The following KIF13B variants were observed in gnomAD, a reference collection of about 807,000 sequenced individuals.
KIF13B encodes the protein kinesin-like protein KIF13B.
In KIF13B, 127 loss-of-function variants were observed where a neutral mutation model predicts 222.0. The ratio of observed to expected loss-of-function variants is 0.57; its 90% CI spans 0.50 to 0.66. The LOEUF (loss-of-function observed/expected upper bound fraction) is 0.66, where lower values mean the gene tolerates loss of function less well. Among genes scored for constraint, KIF13B ranks in the 30% least tolerant of loss-of-function variants. The probability of loss-of-function intolerance (pLI) is 0.00; values close to 1 mark genes in which losing one functional copy is unlikely to be tolerated. For synonymous variants in KIF13B, 976 were observed against 919.0 expected, an observed-to-expected ratio of 1.06 and a Z score of -1.12; for missense variants, 2,173 against 2,379.0, an observed-to-expected ratio of 0.91 and a Z score of 1.80.
chr8:29,148,417 G>T (rs1811154644), intron 16 of KIF13B, among the ~76,000 whole-genome samples, 160 bp downstream of exon 16: 1 of 146,468 alleles, frequency 6.8e-6, no homozygotes, highest in African/African-American at 2.5e-5. Flanking sequence ...TTTTTTTAAA[G>T]AGAGAACGTC....
chr8:29,216,245 AG>A (rs1490669847), intron 2 of KIF13B, among the ~76,000 whole-genome samples: 1 of 152,212 alleles, frequency 6.6e-6, no homozygotes, highest in African/African-American at 2.4e-5. Flanking sequence ...TATCACAAAC[AG>A]GTTAAATAAT....
intron 36 of KIF13B, among the ~76,000 whole-genome samples, chr8:29,095,422 A>G (rs1436761117): frequency 6.6e-6 from 1 of 152,256 alleles, no homozygotes; most frequent in Non-Finnish European, 1.5e-5. Context: ...ACAGTGAAAT[A>G]AAGATACTTT....
At position 29,147,586 on chromosome 8, in the gene KIF13B, T is replaced by C. The variant is rs1811114955; in HGVS notation, c.1830A>G (p.Ile610Met). The change falls in exon 17 of 40, where the codon ATA becomes ATG. Residue 610 changes from isoleucine (I) to methionine (M), a missense_variant. Around this residue, in one of 2 missense-constraint regions of KIF13B, gnomAD observed 1,480 missense variants for 1,722.8 expected, o/e 0.86. Coordinates refer to ENST00000524189, the MANE Select transcript of KIF13B (RefSeq NM_015254.4). The part of the protein sequence containing the change: ...ALGSNDPMQS[I>M]LNSLEQQHEE... Reference sequence around the variant, plus strand: ...CATGCTGTTGTTCTAAGCTGTTTAATATGGACTGCATCGGATCTAAACACA... The same window carrying C: ...CATGCTGTTGTTCTAAGCTGTTTAACATGGACTGCATCGGATCTAAACACA... 8.1e-6 allele frequency: 13 copies of C among 1,611,720 alleles called. No homozygotes were observed. Among genetic ancestry groups the C allele is most frequent in the Non-Finnish European group, 1.1e-5 (13 of 1,179,108 alleles).
intron 1 of KIF13B, among the ~76,000 whole-genome samples, chr8:29,252,585 T>A (rs1458831738): frequency 2.0e-5 from 3 of 152,244 alleles, no homozygotes; most frequent in African/African-American, 4.8e-5. Context: ...TAATAAGCTA[T>A]TTGTAAGATT....
At chr8:29,208,778 G>A (rs1007886862) in intron 2 of KIF13B, among the ~76,000 whole-genome samples, 1 of 152,188 alleles carries the variant, frequency 6.6e-6, no homozygotes, top group Non-Finnish European at 1.5e-5. Context: ...GAATCAGCAA[G>A]AGAAAGTCAA....
At position 29,072,172 on chromosome 8, in the gene KIF13B, C is replaced by A; in HGVS notation, c.4666G>T (p.Gly1556Trp). The change falls in exon 39 of 40, where the codon GGG becomes TGG. Residue 1556 changes from glycine to tryptophan, a missense_variant. By Grantham distance (184) the Gly-to-Trp change is radical. Transcript: ENST00000524189. ...GCTTCACTCAGGGGGCTGGGGGGCC[C>A]GTCCTGTGCCTCCGGAGCCGGGGTG... ...AVTPAPEAQD[G>W]PPSPLSEASS... The A allele has an allele frequency of 7.0e-7, 1 of 1,429,000 alleles. No individual in the cohort carries two copies. Among genetic ancestry groups the A allele is most frequent in the Non-Finnish European group, 9.2e-7 (1 of 1,091,282 alleles). The allele number at this position is 1,429,000 out of a possible 1,614,324, so 88.5% of individuals were successfully genotyped here. A position where few individuals can be genotyped will look rare whatever the true frequency, so the allele number is the denominator to read the frequency against.
At chr8:29,103,736 G>C (rs1808910792) in intron 35 of KIF13B, among the ~76,000 whole-genome samples, 1 of 152,124 alleles carries the variant, frequency 6.6e-6, no homozygotes, top group Non-Finnish European at 1.5e-5. Context: ...CTCATTCCAA[G>C]TATTATTAGA....
In KIF13B at chr8:29,186,168, A is replaced by G. The variant is rs911529952; in HGVS notation, c.497+124T>C. The G allele has an allele frequency of 8.6e-6, 6 of 697,120 alleles. No homozygotes were observed. In the African/African-American group the frequency reaches 1.1e-4, roughly 13 times the overall value. 43.2% of individuals were successfully genotyped at this position (697,120 alleles called of 1,614,324 possible). On this transcript the variant is annotated intron_variant, in intron 6 of 39. Coordinates refer to ENST00000524189, the MANE Select transcript of KIF13B (RefSeq NM_015254.4). Reference sequence around the variant, plus strand: ...GGCTGAAGTAAGCTATGATTGTGCCACTGCACTGAAGCCTATGTGACAGAG... The same window carrying G: ...GGCTGAAGTAAGCTATGATTGTGCCGCTGCACTGAAGCCTATGTGACAGAG...
intron 37 of KIF13B, among the ~76,000 whole-genome samples, chr8:29,076,527 A>G (rs1478743372): frequency 6.6e-6 from 1 of 152,154 alleles, no homozygotes; most frequent in Non-Finnish European, 1.5e-5. Flanking sequence ...GGCGCGAGCC[A>G]CACCGCCCAG....
At chr8:29,243,858 C>T (rs1372210549) in intron 2 of KIF13B, among the ~76,000 whole-genome samples, 3 of 152,100 alleles carry the variant, frequency 2.0e-5, no homozygotes, top group African/African-American at 7.2e-5. Flanking sequence ...GTACAGAACA[C>T]TTTGCAAGAT....
rs1807043933 is a variant in KIF13B at position 29,067,338 on chromosome 8, A to G, written c.*3166T>C. ...TGTTGGTCATTTGATGGAAAGACAC[A>G]TACGGTACAAAATTACAGGTGGTTT... On this transcript the variant is annotated 3_prime_UTR_variant, in exon 40 of 40. Coordinates refer to ENST00000524189, the MANE Select transcript of KIF13B (RefSeq NM_015254.4). 1.3e-5 allele frequency: 2 copies of G among 152,730 alleles called. No homozygotes were observed. The highest frequency in any genetic ancestry group is 1.9e-4 in the East Asian group (1 of 5,192). 9.5% of individuals were successfully genotyped at this position (152,730 alleles called of 1,614,324 possible).
chr8:29,155,871 A>C lies in KIF13B; in HGVS notation c.1405-15T>G. On this transcript the variant is annotated splice_polypyrimidine_tract_variant and intron_variant, in intron 13 of 39. Coordinates refer to ENST00000524189, the MANE Select transcript of KIF13B (RefSeq NM_015254.4). ...AATGTATGTTCCTAAGAAAAAACCA[A>C]ATTCACTGATTAATACTGTATTCTT... is the stretch of plus-strand genomic sequence containing the variant. 1 of 1,541,548 alleles carries C rather than the reference A, an allele frequency of 6.5e-7. No individual in the cohort carries two copies. The highest frequency in any genetic ancestry group is 8.8e-7 in the Non-Finnish European group (1 of 1,132,878).
At chr8:29,119,718 G>A (rs774376221) in intron 29 of KIF13B, among the ~76,000 whole-genome samples, 4 of 152,112 alleles carry the variant, frequency 2.6e-5, no homozygotes, top group Admixed American at 1.3e-4. Context: ...ACCCTCAGGC[G>A]CCAAGTTCAG....
rs544342467 is a variant in KIF13B, at chr8:29,090,284, T to C, written c.4458+2461A>G. 9.2e-5 allele frequency among the ~76,000 whole-genome samples: 14 copies of C among 152,244 alleles called. No individual in the cohort carries two copies. The East Asian group carries it at 2.7e-3, about 29-fold the overall frequency. On this transcript the variant is annotated intron_variant, in intron 37 of 39. Transcript: ENST00000524189. ...CACACCACTGACGACTGTGAGGCTG[T>C]GAAAGATCATTCTGGCTACTCTGTT...
At chr8:29,075,954 T>C (rs543304482) in intron 37 of KIF13B, among the ~76,000 whole-genome samples, 18 of 152,216 alleles carry the variant, frequency 1.2e-4, no homozygotes, top group Admixed American at 9.2e-4. Flanking sequence ...CGGAAGAATA[T>C]TTAAAGTCCA....
intron 1 of KIF13B, among the ~76,000 whole-genome samples, chr8:29,255,959 G>GTGC (rs925629739): frequency 6.6e-6 from 1 of 151,960 alleles, no homozygotes; most frequent in Non-Finnish European, 1.5e-5. Context: ...CACACCTGAG[G>GTGC]TGCTCTATCT....
chr8:29,079,642 G>A (rs894809313), intron 37 of KIF13B, among the ~76,000 whole-genome samples: 3 of 152,034 alleles, frequency 2.0e-5, no homozygotes, highest in Non-Finnish European at 4.4e-5. Context: ...GGTCCCAGTT[G>A]AAACAAAAAA....
At chr8:29,202,845 T>A (rs7013585) in intron 2 of KIF13B, among the ~76,000 whole-genome samples, 27,973 of 151,770 alleles carry the variant, frequency 0.18, 2,863 homozygotes, top group African/African-American at 0.26. Flanking sequence ...CTCCCCCAAC[T>A]CAGCTACGTC....
chr8:29,145,225 C>T (rs1375694553), intron 18 of KIF13B, among the ~76,000 whole-genome samples: 5 of 152,140 alleles, frequency 3.3e-5, no homozygotes, highest in Non-Finnish European at 5.9e-5. Context: ...TGTAAAGTAA[C>T]GATCATATCA....
Sources: gnomAD v4.1 joint callset for allele counts (sites outside exome capture counted in the v4.1 genomes callset) on GRCh38, gnomAD v4.1.1 for gene constraint, gnomAD v4.1.1 regional missense constraint, MANE v1.5 for transcripts, NCBI Gene and HGNC (gene_info 2026-07-23, HGNC 2026-07-21) for gene names.